The following PTPRD variants were observed in gnomAD, a reference collection of about 807,000 sequenced individuals.
The protein encoded by PTPRD is protein tyrosine phosphatase receptor type D, also known as receptor-type tyrosine-protein phosphatase delta.
PTPRD carries 34 observed loss-of-function variants against 214.5 expected under a neutral mutation model. The ratio of observed to expected loss-of-function variants is 0.16; its 90% CI spans 0.12 to 0.21. PTPRD has a LOEUF of 0.21. Among genes scored for constraint, PTPRD ranks in the 10% least tolerant of loss-of-function variants. The pLI is 1.00. For missense variants in PTPRD, 2,545 were observed against 2,398.7 expected, an observed-to-expected ratio of 1.06 and a Z score of -1.27; for synonymous variants, 1,128 against 845.7, an observed-to-expected ratio of 1.33 and a Z score of -5.79.
At chr9:8,883,710 CT>C (rs1343396182) in intron 11 of PTPRD, among the ~76,000 whole-genome samples, 2 of 152,154 alleles carry the variant, frequency 1.3e-5, no homozygotes, top group African/African-American at 2.4e-5. Flanking sequence ...TGAGGACTTT[CT>C]TTTATACAGG....
At position 9,465,479 on chromosome 9, in the gene PTPRD, C is replaced by A. The variant is rs551884237; in HGVS notation, c.-236-67997G>T. Among the ~76,000 whole-genome samples, 17 of 152,204 alleles carry A rather than the reference C, an allele frequency of 1.1e-4. No homozygotes were observed. In the East Asian group the frequency reaches 3.1e-3, roughly 28 times the overall value. ...TCAAGTGTAAGAATATAACATTTAT[C>A]ACTAATACATAAATGGGTGAGAGCA... On this transcript the variant is annotated intron_variant, in intron 8 of 45. Transcript: ENST00000381196.
At chr9:10,269,956 A>T (rs558964937) in intron 3 of PTPRD, among the ~76,000 whole-genome samples, 1 of 152,238 alleles carries the variant, frequency 6.6e-6, no homozygotes, top group South Asian at 2.1e-4. Flanking sequence ...ATAAGATTCA[A>T]ATAGGGAAAT....
intron 11 of PTPRD, among the ~76,000 whole-genome samples, chr9:8,988,051 G>A (rs1232290900): frequency 1.3e-5 from 2 of 151,962 alleles, no homozygotes; most frequent in African/African-American, 4.8e-5. Context: ...GAGGAAGTTG[G>A]GGAGAGAGAG....
At chr9:8,644,067 C>T (rs1255320278) in intron 12 of PTPRD, among the ~76,000 whole-genome samples, 1 of 152,184 alleles carries the variant, frequency 6.6e-6, no homozygotes, top group African/African-American at 2.4e-5. Flanking sequence ...GTTCCAGGCT[C>T]AGCCAAAGCA....
intron 7 of PTPRD, among the ~76,000 whole-genome samples, chr9:9,593,044 AAAAGAG>A (rs1270488868): frequency 5.9e-5 from 9 of 151,598 alleles, no homozygotes; most frequent in Non-Finnish European, 1.0e-4. Context: ...GACTCTGTCA[AAAAGAG>A]AAAGAGAAAG....
intron 8 of PTPRD, among the ~76,000 whole-genome samples, chr9:9,481,670 G>C (rs2095420702): frequency 6.6e-6 from 1 of 151,668 alleles, no homozygotes; most frequent in Non-Finnish European, 1.5e-5. Context: ...TGAAGAAAGA[G>C]GTCCATGAAG....
intron 3 of PTPRD, among the ~76,000 whole-genome samples, chr9:10,092,576 C>G (rs2098443247): frequency 6.6e-6 from 1 of 151,372 alleles, no homozygotes; most frequent in Non-Finnish European, 1.5e-5. Context: ...TTTCAAAATA[C>G]AATGCCACTT....
At chr9:8,650,729 G>A (rs2096791208) in intron 12 of PTPRD, among the ~76,000 whole-genome samples, 1 of 152,028 alleles carries the variant, frequency 6.6e-6, no homozygotes, top group Non-Finnish European at 1.5e-5. Flanking sequence ...AAGTTTATAA[G>A]GTTCATGTCA....
At chr9:8,391,637 A>G (rs2089598154) in intron 36 of PTPRD, among the ~76,000 whole-genome samples, 1 of 152,214 alleles carries the variant, frequency 6.6e-6, no homozygotes, top group Admixed American at 6.5e-5. Flanking sequence ...GCAACATTAA[A>G]GAATTGATAA....
chr9:9,163,032 T>G (rs929391528), intron 10 of PTPRD, among the ~76,000 whole-genome samples: 18 of 152,166 alleles, frequency 1.2e-4, no homozygotes, highest in African/African-American at 4.1e-4. Flanking sequence ...AGCTTCTCTT[T>G]TTTTCCTCTG....
At chr9:9,571,148 A>G (rs990093724) in intron 8 of PTPRD, among the ~76,000 whole-genome samples, 6 of 151,526 alleles carry the variant, frequency 4.0e-5, no homozygotes, top group Non-Finnish European at 7.4e-5. Flanking sequence ...AAAAAGGTGT[A>G]TACTGCAACC....
chr9:8,707,790 T>C (rs906638984), intron 12 of PTPRD, among the ~76,000 whole-genome samples: 2 of 152,200 alleles, frequency 1.3e-5, no homozygotes, highest in African/African-American at 4.8e-5. Context: ...TCAATAACCT[T>C]TTCCTCAAGC....
At chr9:8,939,786 T>G (rs2099019947) in intron 11 of PTPRD, among the ~76,000 whole-genome samples, 1 of 152,206 alleles carries the variant, frequency 6.6e-6, no homozygotes, top group Non-Finnish European at 1.5e-5. Flanking sequence ...AGCAAATCAA[T>G]GTAATAAATA....
At chr9:10,393,877 G>T (rs1013321276) in intron 2 of PTPRD, among the ~76,000 whole-genome samples, 2 of 148,292 alleles carry the variant, frequency 1.3e-5, no homozygotes, top group Non-Finnish European at 3.0e-5. Flanking sequence ...ATCCTTATGT[G>T]GCGAGTGACT....
chr9:8,632,936 A>G (rs1021216960), intron 14 of PTPRD, among the ~76,000 whole-genome samples: 5 of 151,984 alleles, frequency 3.3e-5, no homozygotes, highest in African/African-American at 1.2e-4. Context: ...GCAAATATCA[A>G]TGTCAGCTGT....
chr9:10,553,555 T>A (rs980346889), intron 2 of PTPRD, among the ~76,000 whole-genome samples: 1 of 135,666 alleles, frequency 7.4e-6, no homozygotes, highest in East Asian at 2.0e-4. Flanking sequence ...CATTCACCTG[T>A]GTACTTTCTT....
intron 3 of PTPRD, among the ~76,000 whole-genome samples, chr9:10,302,942 A>G (rs879831234): frequency 1.3e-5 from 2 of 152,212 alleles, no homozygotes; most frequent in African/African-American, 2.4e-5. Flanking sequence ...CTCCACCCCA[A>G]ATCAACAGAA....
At chr9:9,671,105 T>C (rs1181983451) in intron 7 of PTPRD, among the ~76,000 whole-genome samples, 1 of 152,120 alleles carries the variant, frequency 6.6e-6, no homozygotes, top group Non-Finnish European at 1.5e-5. Flanking sequence ...AGGGAAACTG[T>C]ACCCTACAAA....
chr9:10,196,695 G>A (rs1430352749), intron 3 of PTPRD, among the ~76,000 whole-genome samples: 1 of 152,138 alleles, frequency 6.6e-6, no homozygotes, highest in African/African-American at 2.4e-5. Flanking sequence ...GGTAGGCATA[G>A]TTACCTCAGG....
Sources: gnomAD v4.1 joint callset for allele counts (sites outside exome capture counted in the v4.1 genomes callset) on GRCh38, gnomAD v4.1.1 for gene constraint, MANE v1.5 for transcripts, NCBI Gene and HGNC (gene_info 2026-07-23, HGNC 2026-07-21) for gene names.